FGF10: variants seen among roughly 807,000 people sequenced by gnomAD.
FGF10 encodes fibroblast growth factor 10, also known as FGF-10.
FGF10 carries 2 observed loss-of-function variants against 19.8 expected under a neutral mutation model. That is an observed-to-expected ratio of 0.10 (90% confidence interval 0.04 to 0.32). The LOEUF is 0.32. Ranked by LOEUF, FGF10 falls within the 10% of genes least tolerant of loss-of-function variation. The probability of loss-of-function intolerance (pLI) is 1.00; values close to 1 mark genes in which losing one functional copy is unlikely to be tolerated. For synonymous variants in FGF10, 112 were observed against 94.0 expected (o/e 1.19, Z -1.10); for missense variants, 191 against 246.3 (o/e 0.78, Z 1.50).
chr5:44,314,803 T>C (rs1356824970), intron 1 of FGF10, among the ~76,000 whole-genome samples: 2 of 152,144 alleles, frequency 1.3e-5, no homozygotes, highest in Non-Finnish European at 2.9e-5. Flanking sequence ...AAAGGCTTCT[T>C]CTGTTTTGGT....
chr5:44,308,853 G>C (rs1740145194), intron 2 of FGF10, among the ~76,000 whole-genome samples: 1 of 152,138 alleles, frequency 6.6e-6, no homozygotes, highest in African/African-American at 2.4e-5. Flanking sequence ...GAACACCTGG[G>C]ACCATGTGAG....
rs974721025 is a variant in FGF10 at position 44,304,572 on chromosome 5, T to G, written c.*423A>C. On this transcript the variant is annotated 3_prime_UTR_variant, in exon 3 of 3. Transcript: ENST00000264664. Reference sequence around the variant, plus strand: ...AATGCTTGCATGTATTACTGTTCATTGATTCATTAGGCTTGAATGAGCAAT... The same window carrying G: ...AATGCTTGCATGTATTACTGTTCATGGATTCATTAGGCTTGAATGAGCAAT... The G allele has an allele frequency of 1.4e-5, 3 of 213,438 alleles. No individual in the cohort carries two copies. Among genetic ancestry groups the G allele is most frequent in the African/African-American group, 7.0e-5 (3 of 42,750 alleles). The allele number at this position is 213,438 out of a possible 1,614,324, so 13.2% of individuals were successfully genotyped here.
intron 1 of FGF10, among the ~76,000 whole-genome samples, chr5:44,357,629 C>T (rs892536383): frequency 1.3e-5 from 2 of 151,282 alleles, no homozygotes; most frequent in African/African-American, 2.4e-5. Flanking sequence ...AGTGGTGAAG[C>T]CAGGATTCAA....
chr5:44,324,710 A>T (rs1391626591), intron 1 of FGF10, among the ~76,000 whole-genome samples: 1 of 152,178 alleles, frequency 6.6e-6, no homozygotes, highest in East Asian at 1.9e-4. Flanking sequence ...AATATGAGAC[A>T]GGGAAAAACA....
chr5:44,311,433 C>T (rs377548117), intron 1 of FGF10, among the ~76,000 whole-genome samples: 31 of 152,142 alleles, frequency 2.0e-4, no homozygotes, highest in African/African-American at 7.5e-4. Flanking sequence ...GAAGTAGCAT[C>T]GTGATTAGCA....
At chr5:44,321,670 G>T (rs1347620445) in intron 1 of FGF10, among the ~76,000 whole-genome samples, 1 of 152,208 alleles carries the variant, frequency 6.6e-6, no homozygotes, top group Non-Finnish European at 1.5e-5. Flanking sequence ...CATTTTGCAG[G>T]ATGTGATTAA....
At chr5:44,361,895 A>G (rs1246699195) in intron 1 of FGF10, among the ~76,000 whole-genome samples, 2 of 151,578 alleles carry the variant, frequency 1.3e-5, no homozygotes, top group Admixed American at 6.6e-5. Flanking sequence ...TCTCAAATCC[A>G]TATGGACACA....
At chr5:44,337,378 G>A (rs1374971) in intron 1 of FGF10, among the ~76,000 whole-genome samples, 152,292 of 152,308 alleles carry the variant, frequency 1, 76,138 homozygotes, top group Non-Finnish European at 1. Flanking sequence ...ACCGACTGAC[G>A]CAACTAGTAT....
chr5:44,324,119 A>T (rs1740558547), intron 1 of FGF10, among the ~76,000 whole-genome samples: 1 of 152,148 alleles, frequency 6.6e-6, no homozygotes, highest in South Asian at 2.1e-4. Flanking sequence ...TAGATGATAG[A>T]TTAAAACTAC....
intron 1 of FGF10, among the ~76,000 whole-genome samples, chr5:44,322,032 G>A (rs1278756757): frequency 6.6e-6 from 1 of 152,136 alleles, no homozygotes; most frequent in Non-Finnish European, 1.5e-5. Context: ...CAAAGTGCTG[G>A]GATTACAGGT....
At chr5:44,314,663 T>A (rs1169726410) in intron 1 of FGF10, among the ~76,000 whole-genome samples, 1 of 152,086 alleles carries the variant, frequency 6.6e-6, no homozygotes, top group Non-Finnish European at 1.5e-5. Flanking sequence ...GCTGGTAATG[T>A]TTTGATGAGT....
chr5:44,340,329 G>T (rs1255544672), intron 1 of FGF10, among the ~76,000 whole-genome samples: 1 of 151,984 alleles, frequency 6.6e-6, no homozygotes, highest in African/African-American at 2.4e-5. Flanking sequence ...TTTAGTGAGG[G>T]TTATAAGCCT....
chr5:44,323,890 T>C (rs1740553604), intron 1 of FGF10, among the ~76,000 whole-genome samples: 1 of 152,048 alleles, frequency 6.6e-6, no homozygotes, highest in African/African-American at 2.4e-5. Context: ...AACTGATGGG[T>C]AAGGGACACA....
chr5:44,324,117 A>C (rs1311071013), intron 1 of FGF10, among the ~76,000 whole-genome samples: 1 of 152,144 alleles, frequency 6.6e-6, no homozygotes, highest in Non-Finnish European at 1.5e-5. Context: ...AATAGATGAT[A>C]GATTAAAACT....
At chr5:44,329,434 C>T (rs1740683455) in intron 1 of FGF10, among the ~76,000 whole-genome samples, 1 of 152,106 alleles carries the variant, frequency 6.6e-6, no homozygotes, top group African/African-American at 2.4e-5. Flanking sequence ...CTCGGCACCC[C>T]AAAGTGCTGG....
chr5:44,316,871 G>A (rs1220739679), intron 1 of FGF10, among the ~76,000 whole-genome samples: 1 of 152,088 alleles, frequency 6.6e-6, no homozygotes, highest in African/African-American at 2.4e-5. Context: ...TGGAAATGTT[G>A]GTGGAAACTT....
intron 1 of FGF10, among the ~76,000 whole-genome samples, chr5:44,362,870 C>T (rs1252479647): frequency 6.6e-6 from 1 of 151,618 alleles, no homozygotes; most frequent in Non-Finnish European, 1.5e-5. Context: ...TTTGTGCCTC[C>T]ACTGCCCTGT....
chr5:44,307,874 T>A (rs1402990066), intron 2 of FGF10, among the ~76,000 whole-genome samples: 1 of 152,342 alleles, frequency 6.6e-6, no homozygotes, highest in Middle Eastern at 3.4e-3. Context: ...AAAAGAATGT[T>A]ATGGTTAGAG....
chr5:44,307,851 TA>T (rs1216668053), intron 2 of FGF10, among the ~76,000 whole-genome samples: 1 of 152,216 alleles, frequency 6.6e-6, no homozygotes, highest in South Asian at 2.1e-4. Context: ...AGTAGAAATG[TA>T]AAGTTACACA....
Sources: allele counts gnomAD v4.1 joint callset (sites outside exome capture counted in the v4.1 genomes callset), GRCh38; gene constraint gnomAD v4.1.1; transcripts MANE v1.5; gene names NCBI Gene and HGNC (gene_info 2026-07-23, HGNC 2026-07-21).